Variants in PKD2L1 observed in about 807,000 individuals in gnomAD.
The protein encoded by PKD2L1 is polycystin 2 like 1, transient receptor potential cation channel.
In PKD2L1, 77 loss-of-function variants were observed where a neutral mutation model predicts 93.0. The observed-to-expected ratio is 0.83, with a 90% CI of 0.69 to 1.00. The LOEUF is 1.00. Ranked by LOEUF, PKD2L1 falls within the 50% of genes least tolerant of loss-of-function variation. The pLI, the probability that PKD2L1 is intolerant of heterozygous loss-of-function variation, is 0.00. For missense variants in PKD2L1, 977 were observed against 990.9 expected, an observed-to-expected ratio of 0.99 and a Z score of 0.19; for synonymous variants, 390 against 388.0, an observed-to-expected ratio of 1.01 and a Z score of -0.06.
chr10:100,294,481 C>G, intron 9 of PKD2L1, 54 bp downstream of exon 9: 2 of 1,607,448 alleles, frequency 1.2e-6, no homozygotes, highest in East Asian at 2.2e-5. Flanking sequence ...ATACTAGGAC[C>G]AAAACTCCAC....
At chr10:100,312,816 C>T (rs1848963902) in intron 2 of PKD2L1, among the ~76,000 whole-genome samples, 1 of 151,834 alleles carries the variant, frequency 6.6e-6, no homozygotes, top group Non-Finnish European at 1.5e-5. Flanking sequence ...AGGAAGTCAA[C>T]AGTCCTGAGG....
chr10:100,325,557 CACTTTGTGGGTGCGG>C (rs1341667998), intron 2 of PKD2L1, among the ~76,000 whole-genome samples: 2 of 152,140 alleles, frequency 1.3e-5, no homozygotes, highest in Non-Finnish European at 2.9e-5. Flanking sequence ...GTGGGGCCGG[CACTTTGTGGGTGCGG>C]ACTTTAATTC....
chr10:100,324,531 G>A (rs1019253351), intron 2 of PKD2L1, among the ~76,000 whole-genome samples: 2 of 152,098 alleles, frequency 1.3e-5, no homozygotes, highest in African/African-American at 4.8e-5. Context: ...TACACAGTAT[G>A]TAACCTTTTC....
intron 2 of PKD2L1, among the ~76,000 whole-genome samples, chr10:100,307,181 T>C (rs796944965): frequency 1.1e-4 from 17 of 152,338 alleles, no homozygotes; most frequent in African/African-American, 4.1e-4. Context: ...GTGCTTGACA[T>C]GCTTATTTCA....
intron 2 of PKD2L1, among the ~76,000 whole-genome samples, chr10:100,315,452 G>C (rs1849081540): frequency 6.6e-6 from 1 of 152,088 alleles, no homozygotes. Context: ...ACAGGCCTGG[G>C]TGTGTGTTGT....
intron 14 of PKD2L1, 37 bp downstream of exon 14, chr10:100,289,978 G>A (rs1313998936): frequency 6.2e-6 from 10 of 1,612,784 alleles, no homozygotes; most frequent in Middle Eastern, 1.6e-4. Context: ...GAGTTCAGCT[G>A]TGAGGAACTA....
chr10:100,298,855 C>A, intron 3 of PKD2L1, 40 bp from the exon 4 acceptor site: 1 of 1,582,898 alleles, frequency 6.3e-7, no homozygotes, highest in Non-Finnish European at 8.6e-7. Context: ...CAGCCTCCTC[C>A]TGACCCCCTA....
intron 8 of PKD2L1, 110 bp from the exon 9 acceptor site, chr10:100,294,765 C>A: frequency 6.8e-7 from 1 of 1,480,960 alleles, no homozygotes; most frequent in Non-Finnish European, 9.4e-7. Context: ...CTGATAGACA[C>A]AGGGCAGGGT....
rs759705584 is a variant in PKD2L1 at position 100,296,206 on chromosome 10, C to G, written c.1272G>C (p.Thr424=). 1.9e-6 allele frequency: 3 copies of G among 1,612,348 alleles called. No individual in the cohort carries two copies. Among genetic ancestry groups the G allele is most frequent in the Non-Finnish European group, 2.5e-6 (3 of 1,179,296 alleles). ...LMGKLLQQPN[T]YADFEFLAFW... ...AGGCGAGGAACTCAAAGTCTGCATA[C>G]GTGTTTGGCTGCTGCAGGAGCTTCC... is the stretch of plus-strand genomic sequence containing the variant. Residue 424 remains threonine (T), a synonymous_variant, in exon 7 of 16, where the codon ACG becomes ACC. Transcript: ENST00000318222.
intron 1 of PKD2L1, 77 bp from the exon 2 acceptor site, chr10:100,329,401 G>C: frequency 6.2e-7 from 1 of 1,605,020 alleles, no homozygotes; most frequent in Non-Finnish European, 8.5e-7. Context: ...TCTGTCTCTG[G>C]ACTTTAGCCC....
At chr10:100,316,232 G>A (rs1849098765) in intron 2 of PKD2L1, among the ~76,000 whole-genome samples, 1 of 152,204 alleles carries the variant, frequency 6.6e-6, no homozygotes, top group South Asian at 2.1e-4. Flanking sequence ...GTGTGCAATG[G>A]CACGATCTCA....
chr10:100,303,927 G>A (rs1848743037), intron 2 of PKD2L1, among the ~76,000 whole-genome samples: 1 of 152,190 alleles, frequency 6.6e-6, no homozygotes, highest in South Asian at 2.1e-4. Context: ...CATTGCTACA[G>A]CTTTTCCTCT....
At position 100,288,156 on chromosome 10, in the gene PKD2L1, A is replaced by G. The variant is rs1274274460; in HGVS notation, c.*240T>C. ...GCAAATGCAAAGTCCAAGTTTTCCT[A>G]AGGAGTTTTATTGATAGCCACCATG... On this transcript the variant is annotated 3_prime_UTR_variant, in exon 16 of 16. Transcript: ENST00000318222. 1.7e-5 allele frequency: 8 copies of G among 459,644 alleles called. No homozygotes were observed. The highest frequency in any genetic ancestry group is 3.1e-5 in the Non-Finnish European group (8 of 255,076). The allele number at this position is 459,644 out of a possible 1,614,324, so 28.5% of individuals were successfully genotyped here.
intron 2 of PKD2L1, among the ~76,000 whole-genome samples, chr10:100,320,807 T>C (rs1297847052): frequency 1.3e-5 from 2 of 152,224 alleles, no homozygotes; most frequent in Non-Finnish European, 1.5e-5. Flanking sequence ...CTTATAGCAC[T>C]AGTGGCATAA....
chr10:100,309,857 T>G (rs1564889072), intron 2 of PKD2L1, among the ~76,000 whole-genome samples: 2 of 152,158 alleles, frequency 1.3e-5, no homozygotes, highest in Non-Finnish European at 2.9e-5. Context: ...ACAATGTCAT[T>G]AAGGCACTAG....
intron 9 of PKD2L1, 81 bp downstream of exon 9, chr10:100,294,453 CA>C: frequency 6.9e-7 from 1 of 1,458,164 alleles, no homozygotes; most frequent in Non-Finnish European, 9.6e-7. Context: ...AGAAACTTAT[CA>C]ATCCTGAGTG....
intron 2 of PKD2L1, among the ~76,000 whole-genome samples, chr10:100,316,373 T>G (rs1216584907): frequency 2.0e-5 from 3 of 152,212 alleles, no homozygotes; most frequent in Admixed American, 6.5e-5. Context: ...GGTTTCTCCA[T>G]GTTGGTCAAG....
At chr10:100,289,112 T>A in intron 14 of PKD2L1, 56 bp from the exon 15 acceptor site, 1 of 1,256,592 alleles carries the variant, frequency 8.0e-7, no homozygotes, top group Non-Finnish European at 1.1e-6. Context: ...GTACCACTTT[T>A]CTTTTCTCTC....
chr10:100,297,558 GC>G lies in PKD2L1; in HGVS notation c.779del (p.Gly260AlafsTer59). On this transcript the variant is annotated frameshift_variant, in exon 5 of 16. Transcript: ENST00000318222. LOFTEE classifies it high-confidence loss of function. The stretch of plus-strand genomic sequence containing the variant: ...CACCTCCGCTGTAGCTTGTGAGCCT[GC>G]CCCAGTGGGAGAAGCCCCCCAACTC... The part of the protein sequence containing the change: ...QDELGGFSHW[G>X]RLTSYSGGGY... The G allele has an allele frequency of 1.2e-6, 2 of 1,614,010 alleles. No individual in the cohort carries two copies. Among genetic ancestry groups the G allele is most frequent in the Non-Finnish European group, 1.7e-6 (2 of 1,180,002 alleles).
Sources: allele counts gnomAD v4.1 joint callset (sites outside exome capture counted in the v4.1 genomes callset), GRCh38; gene constraint gnomAD v4.1.1; transcripts MANE v1.5; gene names NCBI Gene and HGNC (gene_info 2026-07-23, HGNC 2026-07-21).